The following METTL2A variants were observed in gnomAD, a reference collection of about 807,000 sequenced individuals.
The protein encoded by METTL2A is tRNA N(3)-cytidine methyltransferase METTL2A.
Under a neutral mutation model 49.4 loss-of-function variants are expected in METTL2A, and 45 were observed. The observed-to-expected ratio is 0.91, with a 90% confidence interval of 0.72 to 1.17. METTL2A has a LOEUF of 1.17. METTL2A is among the 50% of genes most tolerant of loss of function. METTL2A has a pLI of 0.00. For synonymous variants in METTL2A, 118 were observed against 167.5 expected (o/e 0.70, Z 2.28); for missense variants, 361 against 462.2 (o/e 0.78, Z 2.01).
At chr17:62,428,913 A>G (rs1217991975) in intron 4 of METTL2A, among the ~76,000 whole-genome samples, 2 of 152,190 alleles carry the variant, frequency 1.3e-5, no homozygotes, top group Non-Finnish European at 2.9e-5. Context: ...CCTCCCAAGT[A>G]GCTGGGACTA....
intron 5 of METTL2A, among the ~76,000 whole-genome samples, chr17:62,438,947 T>C (rs113966802): frequency 0.24 from 35,531 of 148,312 alleles, 7,244 homozygotes; most frequent in East Asian, 0.56. Context: ...ACTGGGACTA[T>C]GGGCACATGC....
chr17:62,424,743 G>A (rs1282315497), intron 2 of METTL2A, among the ~76,000 whole-genome samples: 85 of 151,900 alleles, frequency 5.6e-4, no homozygotes, highest in Non-Finnish European at 1.5e-5. Context: ...TGGTGACTGT[G>A]TGTCTATTAC....
Position 62,452,407 on chromosome 17 carries a change from G to C in METTL2A, c.*3678G>C, listed in dbSNP as rs1357441578. On this transcript the variant is annotated 3_prime_UTR_variant, in exon 9 of 9. Transcript: ENST00000311506. ...TAAGTATTTTGTAGGGAAGTGCTTT[G>C]AGACTAAATATCCTGTTCCTCATCA... 1.3e-5 allele frequency among the ~76,000 whole-genome samples: 2 copies of C among 152,196 alleles called. No homozygotes were observed. The highest frequency in any genetic ancestry group is 3.8e-4 in the East Asian group (2 of 5,200).
chr17:62,441,044 G>A (rs868521335), intron 6 of METTL2A, among the ~76,000 whole-genome samples: 5 of 152,176 alleles, frequency 3.3e-5, no homozygotes, highest in Admixed American at 6.5e-5. Context: ...GGGCTCAAGC[G>A]ATCCTCCCAC....
intron 3 of METTL2A, 97 bp downstream of exon 3, chr17:62,426,751 T>G: frequency 1.2e-6 from 1 of 818,578 alleles, no homozygotes. Flanking sequence ...TAACTTCTAT[T>G]GGATGATGCT....
Position 62,452,137 on chromosome 17 carries a change from C to T in METTL2A, c.*3408C>T, listed in dbSNP as rs111931083. 0.021 allele frequency among the ~76,000 whole-genome samples: 3,168 copies of T among 152,254 alleles called. 128 individuals carry two copies. The highest frequency in any genetic ancestry group is 0.072 in the African/African-American group (2,982 of 41,532). On this transcript the variant is annotated 3_prime_UTR_variant, in exon 9 of 9. Transcript: ENST00000311506. Reference sequence around the variant, plus strand: ...TTGTGTCTCAGTCTCCTTCAGTCTACGGGTTAGGCTTGCTTTTGCACCTTT... The same window carrying T: ...TTGTGTCTCAGTCTCCTTCAGTCTATGGGTTAGGCTTGCTTTTGCACCTTT...
chr17:62,444,757 C>G, intron 6 of METTL2A, 80 bp from the exon 7 acceptor site: 2 of 1,428,130 alleles, frequency 1.4e-6, no homozygotes, highest in Non-Finnish European at 2.0e-6. Flanking sequence ...AGTCCACTGG[C>G]TTTTTGGGAT....
chr17:62,430,567 A>C (rs2070658007), intron 4 of METTL2A, among the ~76,000 whole-genome samples: 1 of 151,722 alleles, frequency 6.6e-6, no homozygotes. Flanking sequence ...TCTTCCCCTG[A>C]CTCCGTACCT....
chr17:62,437,681 G>A (rs560515942), intron 5 of METTL2A, among the ~76,000 whole-genome samples: 1 of 152,250 alleles, frequency 6.6e-6, no homozygotes, highest in African/African-American at 2.4e-5. Flanking sequence ...GCCTTAAAAT[G>A]TATCTGTTAT....
At position 62,452,807 on chromosome 17, in the gene METTL2A, A is replaced by T. The variant is rs1319221946; in HGVS notation, c.*4078A>T. Among the ~76,000 whole-genome samples the T allele has an allele frequency of 6.6e-6, 1 of 152,074 alleles. No individual in the cohort carries two copies. Among genetic ancestry groups the T allele is most frequent in the African/African-American group, 2.4e-5 (1 of 41,416 alleles). On this transcript the variant is annotated 3_prime_UTR_variant, in exon 9 of 9. Transcript: ENST00000311506. ...GTATTTTTTGTAGAGACAGGGTTTC[A>T]TCATGTGTCCCAGGCTGGTCTTGAA...
chr17:62,428,779 A>T (rs557645192), intron 4 of METTL2A, among the ~76,000 whole-genome samples: 9 of 152,262 alleles, frequency 5.9e-5, no homozygotes, highest in Non-Finnish European at 1.3e-4. Context: ...CTGGAAGCTC[A>T]TCAAGGGGTT....
At position 62,424,301 on chromosome 17, in the gene METTL2A, G is replaced by A. The variant is rs1279695043; in HGVS notation, c.193G>A (p.Glu65Lys). Residue 65 changes from glutamate (E) to lysine (K), a missense_variant, in exon 2 of 9, where the codon GAG (glutamate) becomes AAG (lysine). This residue lies in a region of METTL2A where 150 missense variants were observed against 170.1 expected (regional missense o/e 0.88). Coordinates refer to ENST00000311506, the MANE Select transcript of METTL2A (RefSeq NM_181725.4). ...GAACAGTATCCAGCGGGTGTGCCAG[G>A]AGAAACAAGGTGCGCTTAAATGGGC... ...QENSIQRVCQ[E>K]KQVDYEINAH... 4 of 1,613,948 alleles carry A rather than the reference G, an allele frequency of 2.5e-6. No individual in the cohort carries two copies. Among genetic ancestry groups the A allele is most frequent in the Admixed American group, 1.7e-5 (1 of 60,000 alleles).
At chr17:62,429,707 G>GT (rs1359644524) in intron 4 of METTL2A, among the ~76,000 whole-genome samples, 2 of 151,214 alleles carry the variant, frequency 1.3e-5, no homozygotes, top group Non-Finnish European at 3.0e-5. Flanking sequence ...GTCTTGCTCT[G>GT]TTGCCCAGGC....
chr17:62,439,559 G>A (rs1468212291), intron 5 of METTL2A, among the ~76,000 whole-genome samples: 4 of 151,890 alleles, frequency 2.6e-5, no homozygotes, highest in Admixed American at 6.6e-5. Context: ...TCAGCCTCCC[G>A]AGTAGCTGGG....
At chr17:62,424,690 A>ATTCTAAATATTGTTT (rs2070611205) in intron 2 of METTL2A, among the ~76,000 whole-genome samples, 1 of 151,340 alleles carries the variant, frequency 6.6e-6, no homozygotes, top group African/African-American at 2.5e-5. Context: ...AGCTTCATTG[A>ATTCTAAATATTGTTT]AGTGATTAGA....
At chr17:62,424,580 G>C (rs1017897289) in intron 2 of METTL2A, among the ~76,000 whole-genome samples, 5 of 152,166 alleles carry the variant, frequency 3.3e-5, no homozygotes, top group African/African-American at 1.2e-4. Context: ...GATCCACGTT[G>C]ATATGGCTAG....
At position 62,426,454 on chromosome 17, in the gene METTL2A, A is replaced by C. The variant is rs773264116; in HGVS notation, c.358A>C (p.Lys120Gln). The C allele has an allele frequency of 3.7e-6, 6 of 1,614,072 alleles. No homozygotes were observed. Among genetic ancestry groups the C allele is most frequent in the Non-Finnish European group, 5.1e-6 (6 of 1,180,048 alleles). ...TTTGAAGGACTGGTTCTTGGAGAAC[A>C]AGAGTGAAGTACCTGAATGTAGAAA... is the stretch of plus-strand genomic sequence containing the variant. ...NHLKDWFLEN[K>Q]SEVPECRNNE... The change falls in exon 3 of 9, where the codon AAG becomes CAG. Residue 120 changes from lysine to glutamine, a missense_variant. By Grantham distance (53) the Lys-to-Gln change is moderately conservative. This residue lies in a region of METTL2A where 150 missense variants were observed against 170.1 expected (regional missense o/e 0.88). Transcript: ENST00000311506.
rs1262123314 is a variant in METTL2A, at chr17:62,448,915, A to G, written c.*186A>G. On this transcript the variant is annotated 3_prime_UTR_variant, in exon 9 of 9. Coordinates refer to ENST00000311506, the MANE Select transcript of METTL2A (RefSeq NM_181725.4). ...AGTGAGAGACCCTGTATCTGAAAGT[A>G]ATAATAAAAATAAAAAATATAAATG... 5.7e-6 allele frequency: 4 copies of G among 706,238 alleles called. No homozygotes were observed. Among genetic ancestry groups the G allele is most frequent in the Admixed American group, 3.7e-5 (1 of 27,186 alleles). 43.7% of individuals were successfully genotyped at this position (706,238 alleles called of 1,614,324 possible).
At chr17:62,439,294 TG>T (rs1241110778) in intron 5 of METTL2A, among the ~76,000 whole-genome samples, 1 of 151,540 alleles carries the variant, frequency 6.6e-6, no homozygotes, top group East Asian at 2.0e-4. Flanking sequence ...TTTGTAGAGA[TG>T]AAGTCTCACT....
Sources: gnomAD v4.1 joint callset for allele counts (sites outside exome capture counted in the v4.1 genomes callset) on GRCh38, gnomAD v4.1.1 for gene constraint, gnomAD v4.1.1 regional missense constraint, MANE v1.5 for transcripts, NCBI Gene and HGNC (gene_info 2026-07-23, HGNC 2026-07-21) for gene names.